Variants in TMIGD2 observed in about 807,000 individuals in gnomAD.
TMIGD2 encodes the protein transmembrane and immunoglobulin domain containing 2.
TMIGD2 carries 18 observed loss-of-function variants against 22.6 expected under a neutral mutation model. The observed-to-expected ratio is 0.80, with a 90% CI of 0.55 to 1.18. The LOEUF (loss-of-function observed/expected upper bound fraction) is 1.18, where lower values mean the gene tolerates loss of function less well. TMIGD2 is among the 50% of genes most tolerant of loss of function. TMIGD2 has a pLI of 0.00. For missense variants in TMIGD2, 361 were observed against 378.2 expected (o/e 0.95, Z 0.38); for synonymous variants, 184 against 154.1 (o/e 1.19, Z -1.44).
chr19:4,292,922 G>A (rs201889741), intron 4 of TMIGD2, 37 bp from the exon 5 acceptor site: 537 of 1,610,784 alleles, frequency 3.3e-4, no homozygotes, highest in Non-Finnish European at 4.3e-4. Context: ...GATCACTTAA[G>A]AGAGTCCTGC....
intron 4 of TMIGD2, among the ~76,000 whole-genome samples, chr19:4,293,541 T>C (rs1971415727): frequency 6.6e-6 from 1 of 151,448 alleles, no homozygotes; most frequent in African/African-American, 2.4e-5. Context: ...ATTACATGCA[T>C]GAGCCACTGC....
At chr19:4,298,055 A>G (rs1376244221) in exon 2 of TMIGD2, 1 of 1,613,606 alleles carries the variant, frequency 6.2e-7, no homozygotes, top group South Asian at 1.1e-5. Flanking sequence ...ACGGCCGCCC[A>G]GCACACGTAC....
At chr19:4,293,113 G>A (rs113369074) in intron 4 of TMIGD2, among the ~76,000 whole-genome samples, 6,869 of 151,980 alleles carry the variant, frequency 0.045, 237 homozygotes, top group African/African-American at 0.092. Context: ...ACAGGCTCCC[G>A]CCACCATGCC....
chr19:4,297,907 C>A, intron 2 of TMIGD2, 79 bp downstream of exon 2: 3 of 1,429,588 alleles, frequency 2.1e-6, no homozygotes, highest in Non-Finnish European at 2.8e-6. Context: ...TTTTTTGTTT[C>A]TAGGAGTTTA....
At chr19:4,294,512 T>G in intron 4 of TMIGD2, 67 bp downstream of exon 4, 2 of 1,484,128 alleles carry the variant, frequency 1.3e-6, no homozygotes, top group Middle Eastern at 2.3e-4. Flanking sequence ...ACAGATGCAG[T>G]GGGTCTTTGT....
exon 4 of TMIGD2, chr19:4,294,605 C>G (rs370727587): frequency 3.7e-6 from 6 of 1,610,492 alleles, no homozygotes; most frequent in Non-Finnish European, 4.2e-6. Context: ...GCAGCTGCGG[C>G]GGCCCCAGAA....
intron 4 of TMIGD2, 144 bp from the exon 5 acceptor site, chr19:4,293,029 T>A (rs1971404659): frequency 7.9e-7 from 1 of 1,264,676 alleles, no homozygotes; most frequent in East Asian, 2.4e-5. Flanking sequence ...AGTGGCGCAA[T>A]CTCGGCTCAC....
chr19:4,294,915 G>A (rs1283640135), intron 2 of TMIGD2, 99 bp from the exon 3 acceptor site: 2 of 1,260,818 alleles, frequency 1.6e-6, no homozygotes, highest in East Asian at 2.8e-5. Flanking sequence ...CTCCTGCCAG[G>A]CTTTGTGGAT....
intron 1 of TMIGD2, 150 bp downstream of exon 1, chr19:4,302,190 A>C (rs1205105070): frequency 1.2e-6 from 1 of 825,776 alleles, no homozygotes; most frequent in African/African-American, 1.8e-5. Flanking sequence ...TTAATCCTCC[A>C]GCCCCCATCA....
Position 4,294,669 on chromosome 19 carries a change from C to G in TMIGD2, c.460G>C (p.Val154Leu), listed in dbSNP as rs143069562. Residue 154 changes from valine (V) to leucine (L), a missense_variant, in exon 4 of 5, where the codon GTG becomes CTG. Val to Leu is a conservative substitution (Grantham distance 32). Transcript: ENST00000301272. ...CCCATGCTTCCCACCCCCAGCAGCA[C>G]GAAGAGGAATCCTGGGTAGGGGGAG... 2.3e-5 allele frequency: 36 copies of G among 1,590,962 alleles called. No individual in the cohort carries two copies. In the African/African-American group the frequency reaches 3.0e-4, roughly 13 times the overall value.
chr19:4,301,835 C>G (rs879762698), intron 1 of TMIGD2, among the ~76,000 whole-genome samples: 7 of 152,058 alleles, frequency 4.6e-5, no homozygotes, highest in Admixed American at 4.6e-4. Context: ...GAGCTGCTGC[C>G]GGAGTAGAAA....
intron 4 of TMIGD2, among the ~76,000 whole-genome samples, chr19:4,293,927 A>G (rs1461867297): frequency 6.6e-6 from 1 of 151,164 alleles, no homozygotes; most frequent in African/African-American, 2.4e-5. Context: ...ACGCCTGGGT[A>G]ATGTTTGTAT....
chr19:4,293,003 G>A (rs544576225), intron 4 of TMIGD2, 118 bp from the exon 5 acceptor site: 111 of 1,474,146 alleles, frequency 7.5e-5, no homozygotes, highest in South Asian at 4.6e-4. Context: ...TCACTCTGTC[G>A]CCCAGGCTGG....
In TMIGD2 at chr19:4,294,550, G is replaced by A. The variant is rs200409123; in HGVS notation, c.562+17C>T. ...AGCAGCTGCAGTTCCCACCTCCTCC[G>A]CCCTACCCTCCCTTACCTGGGCTGT... is the stretch of plus-strand genomic sequence containing the variant. On this transcript the variant is annotated intron_variant, in intron 4 of 4. Transcript: ENST00000301272. 3.9e-5 allele frequency: 63 copies of A among 1,607,176 alleles called. No individual in the cohort carries two copies. The African/African-American group carries it at 6.7e-4, about 17-fold the overall frequency.
At position 4,294,825 on chromosome 19, in the gene TMIGD2, A is replaced by G. The variant is rs1297947693; in HGVS notation, c.407-9T>C. 2 of 1,560,442 alleles carry G rather than the reference A, an allele frequency of 1.3e-6. No homozygotes were observed. The highest frequency in any genetic ancestry group is 2.8e-5 in the African/African-American group (2 of 72,682). ...GTTCTGTGTGGGGTCATCTGCAGAG[A>G]AGAAATCTATGTCACGGGGGTGCCA... On this transcript the variant is annotated splice_polypyrimidine_tract_variant and intron_variant, in intron 2 of 4. Transcript: ENST00000301272.
chr19:4,292,978 C>G (rs1170105532), intron 4 of TMIGD2, 93 bp from the exon 5 acceptor site: 1 of 1,400,596 alleles, frequency 7.1e-7, no homozygotes, highest in Admixed American at 2.3e-5. Context: ...TTTTTTTTTT[C>G]TGTGAGACGG....
intron 1 of TMIGD2, among the ~76,000 whole-genome samples, chr19:4,299,147 T>C (rs1422803953): frequency 6.6e-6 from 1 of 151,984 alleles, no homozygotes; most frequent in East Asian, 1.9e-4. Flanking sequence ...GATTTTTTAT[T>C]TTTTTAATTT....
intron 4 of TMIGD2, among the ~76,000 whole-genome samples, chr19:4,294,238 T>G (rs1971426767): frequency 6.6e-6 from 1 of 151,730 alleles, no homozygotes; most frequent in Non-Finnish European, 1.5e-5. Flanking sequence ...TAGCTAATTT[T>G]TTGTATTTTT....
chr19:4,293,614 T>C (rs1363168820), intron 4 of TMIGD2, among the ~76,000 whole-genome samples: 3 of 151,586 alleles, frequency 2.0e-5, no homozygotes, highest in African/African-American at 7.3e-5. Flanking sequence ...GTTTGTTTTT[T>C]GAGACAGGGT....
Sources: gnomAD v4.1 joint callset for allele counts (sites outside exome capture counted in the v4.1 genomes callset) on GRCh38, gnomAD v4.1.1 for gene constraint, MANE v1.5 for transcripts, NCBI Gene and HGNC (gene_info 2026-07-23, HGNC 2026-07-21) for gene names.